KIF20B: variants seen among roughly 807,000 people sequenced by gnomAD.
KIF20B encodes the protein kinesin family member 20B, also known as kinesin-like protein KIF20B.
KIF20B carries 188 observed loss-of-function variants against 232.5 expected under a neutral mutation model. The observed-to-expected ratio is 0.81, with a 90% CI of 0.72 to 0.91. The LOEUF is 0.91. KIF20B is among the 40% of genes least tolerant of loss of function. The pLI, the probability that KIF20B is intolerant of heterozygous loss-of-function variation, is 0.00. For synonymous variants in KIF20B, 712 were observed against 683.0 expected (o/e 1.04, Z -0.66); for missense variants, 2,154 against 2,055.9 (o/e 1.05, Z -0.92).
intron 5 of KIF20B, 150 bp downstream of exon 5, chr10:89,710,215 GTTTTT>G: frequency 3.2e-5 from 9 of 282,722 alleles, no homozygotes; most frequent in Admixed American, 6.0e-5. Flanking sequence ...ACGTATTGCT[GTTTTT>G]TTTTTTTTTT....
intron 29 of KIF20B, among the ~76,000 whole-genome samples, chr10:89,763,662 T>C (rs1036825631): frequency 2.0e-5 from 3 of 152,076 alleles, no homozygotes; most frequent in African/African-American, 7.2e-5. Context: ...CTGCAGTTTC[T>C]TGATTGAAGG....
At chr10:89,762,967 C>T (rs1026834302) in intron 29 of KIF20B, 132 bp downstream of exon 29, 4 of 664,392 alleles carry the variant, frequency 6.0e-6, no homozygotes, top group Non-Finnish European at 1.0e-5. Flanking sequence ...ACAATTTATG[C>T]TATATTTTAT....
At chr10:89,741,258 C>A (rs1466365162) in intron 21 of KIF20B, among the ~76,000 whole-genome samples, 1 of 152,142 alleles carries the variant, frequency 6.6e-6, no homozygotes, top group African/African-American at 2.4e-5. Context: ...CTCTGTTGAT[C>A]TGACAGTAGG....
chr10:89,702,560 G>T (rs895957061), intron 1 of KIF20B, among the ~76,000 whole-genome samples: 6 of 152,078 alleles, frequency 3.9e-5, no homozygotes, highest in African/African-American at 1.4e-4. Flanking sequence ...TTTTTTTGAG[G>T]CTTTGTGTTG....
chr10:89,762,582 T>A, intron 28 of KIF20B, 56 bp from the exon 29 acceptor site: 2 of 1,322,610 alleles, frequency 1.5e-6, no homozygotes, highest in South Asian at 2.6e-5. Context: ...TAATTCTTTG[T>A]GGTTTATAAA....
intron 9 of KIF20B, 95 bp downstream of exon 9, chr10:89,716,642 G>T (rs937501536): frequency 1.5e-6 from 1 of 667,530 alleles, no homozygotes. Flanking sequence ...TGGGCAGTAG[G>T]TTCTCTCGTG....
intron 31 of KIF20B, among the ~76,000 whole-genome samples, chr10:89,769,813 G>A (rs1328128393): frequency 2.0e-5 from 3 of 151,958 alleles, no homozygotes; most frequent in Non-Finnish European, 4.4e-5. Flanking sequence ...CTATCTTAGG[G>A]GTGAGATGGA....
At chr10:89,744,592 A>G (rs1201271801) in intron 22 of KIF20B, among the ~76,000 whole-genome samples, 1 of 152,210 alleles carries the variant, frequency 6.6e-6, no homozygotes, top group Non-Finnish European at 1.5e-5. Flanking sequence ...AAAAACAAAA[A>G]GAGTTGAGGT....
At chr10:89,754,473 ACTT>A in intron 25 of KIF20B, 42 bp from the exon 26 acceptor site, 3 of 1,309,200 alleles carry the variant, frequency 2.3e-6, no homozygotes, top group Non-Finnish European at 3.1e-6. Flanking sequence ...TGTATTGACT[ACTT>A]TGTAGGCATG....
chr10:89,725,000 G>A lies in KIF20B; in HGVS notation c.1863-20G>A. On this transcript the variant is annotated intron_variant, in intron 14 of 32. Coordinates refer to ENST00000371728, the MANE Select transcript of KIF20B (RefSeq NM_001284259.2). ...TAGTTCGTTTTCTGTTTCTTAATGG[G>A]ATTAATTTGTATTTTGAAGGGAGAC... The A allele has an allele frequency of 6.2e-7, 1 of 1,607,970 alleles. No homozygotes were observed. Among genetic ancestry groups the A allele is most frequent in the Non-Finnish European group, 8.5e-7 (1 of 1,176,300 alleles).
chr10:89,754,561 A>G lies in KIF20B; in HGVS notation c.4391A>G (p.Glu1464Gly), dbSNP rs1470650025. 1.9e-6 allele frequency: 3 copies of G among 1,604,476 alleles called. 1 individual carries two copies. In the Admixed American group the frequency reaches 5.1e-5, roughly 27 times the overall value. Residue 1464 changes from glutamate (E) to glycine (G), a missense_variant, in exon 26 of 33, where the codon GAA becomes GGA. Transcript: ENST00000371728. ...AATGCTGATAGAAAGAAATGGTTAG[A>G]AGAAAAAATGATGCTTATCACTCAA... ...KYNADRKKWL[E>G]EKMMLITQAK... is the part of the protein sequence containing the mutation.
intron 23 of KIF20B, among the ~76,000 whole-genome samples, chr10:89,748,509 C>T (rs750181350): frequency 6.6e-6 from 1 of 152,184 alleles, no homozygotes; most frequent in Non-Finnish European, 1.5e-5. Flanking sequence ...AAGGGTAACA[C>T]AACCAGATTA....
In KIF20B at chr10:89,738,418, A is replaced by G. The variant is rs201445803; in HGVS notation, c.3577A>G (p.Ile1193Val). ...ACAAGACATTTTGGAAAAGGAATCT[A>G]TCATCTTAAAGCTAGAAAGAAATTT... ...LEQDILEKES[I>V]ILKLERNLKE... The change falls in exon 20 of 33, where the codon ATC (isoleucine) becomes GTC (valine). Residue 1193 changes from isoleucine (I) to valine (V), a missense_variant. Transcript: ENST00000371728. The G allele has an allele frequency of 6.1e-5, 97 of 1,602,382 alleles. No homozygotes were observed. The highest frequency in any genetic ancestry group is 7.3e-5 in the Non-Finnish European group (86 of 1,177,108).
intron 29 of KIF20B, among the ~76,000 whole-genome samples, chr10:89,763,256 G>A (rs947560935): frequency 3.9e-5 from 6 of 152,166 alleles, no homozygotes; most frequent in African/African-American, 1.4e-4. Flanking sequence ...ACTCCAGCCT[G>A]GGTGATAGAG....
intron 12 of KIF20B, among the ~76,000 whole-genome samples, 190 bp from the exon 13 acceptor site, chr10:89,719,229 T>G (rs1345466913): frequency 6.6e-6 from 1 of 152,220 alleles, no homozygotes; most frequent in Non-Finnish European, 1.5e-5. Context: ...TCCTCTAGTT[T>G]ACATGTGTAA....
intron 31 of KIF20B, among the ~76,000 whole-genome samples, chr10:89,771,325 A>G (rs2133182025): frequency 6.6e-6 from 1 of 152,210 alleles, no homozygotes; most frequent in Non-Finnish European, 1.5e-5. Flanking sequence ...ATGTCTGTCT[A>G]GTTCATACTG....
chr10:89,719,580 C>A lies in KIF20B; in HGVS notation c.1596C>A (p.Asp532Glu). The part of the protein sequence containing the change: ...WENSLEDLME[D>E]EDLVEELENA... ...ATAGTCTAGAAGATTTGATGGAAGA[C>A]GAGGATTTGGTTGAGGAGCTAGAAA... The change falls in exon 13 of 33, where the codon GAC becomes GAA. Residue 532 changes from aspartate to glutamate, a missense_variant. Asp to Glu is a conservative substitution (Grantham distance 45, BLOSUM62 2). Coordinates refer to ENST00000371728, the MANE Select transcript of KIF20B (RefSeq NM_001284259.2). 1 of 1,613,310 alleles carries A rather than the reference C, an allele frequency of 6.2e-7. No homozygotes were observed. Among genetic ancestry groups the A allele is most frequent in the South Asian group, 1.1e-5 (1 of 91,028 alleles).
chr10:89,726,880 A>C (rs547894797), intron 16 of KIF20B, among the ~76,000 whole-genome samples: 29 of 152,050 alleles, frequency 1.9e-4, no homozygotes, highest in African/African-American at 7.0e-4. Context: ...ATCACAGCTC[A>C]CTGCAGCCTT....
At chr10:89,739,438 A>T (rs1841744977) in intron 21 of KIF20B, among the ~76,000 whole-genome samples, 1 of 152,158 alleles carries the variant, frequency 6.6e-6, no homozygotes, top group Non-Finnish European at 1.5e-5. Flanking sequence ...TTATAACTTA[A>T]TTTTTAAAAG....
Sources: gnomAD v4.1 joint callset for allele counts (sites outside exome capture counted in the v4.1 genomes callset) on GRCh38, gnomAD v4.1.1 for gene constraint, MANE v1.5 for transcripts, NCBI Gene and HGNC (gene_info 2026-07-23, HGNC 2026-07-21) for gene names.